MPDZ: variants seen among roughly 807,000 people sequenced by gnomAD.
The protein encoded by MPDZ is multiple PDZ domain protein.
MPDZ carries 234 observed loss-of-function variants against 239.1 expected under a neutral mutation model. That is an observed-to-expected ratio of 0.98 (90% CI 0.88 to 1.09). The LOEUF is 1.09. MPDZ is among the 50% of genes least tolerant of loss of function. The probability of loss-of-function intolerance (pLI) is 0.00; values close to 1 mark genes in which losing one functional copy is unlikely to be tolerated. For missense variants in MPDZ, 3,175 were observed against 2,510.0 expected (o/e 1.26, Z -5.66); for synonymous variants, 1,048 against 881.3 (o/e 1.19, Z -3.35).
chr9:13,228,925 G>C (rs529322298), intron 3 of MPDZ, among the ~76,000 whole-genome samples: 11 of 152,232 alleles, frequency 7.2e-5, no homozygotes, highest in African/African-American at 2.6e-4. Flanking sequence ...GCTGGTACAA[G>C]CTAGCGAAGG....
chr9:13,187,046 T>C (rs1349231568), intron 17 of MPDZ, among the ~76,000 whole-genome samples: 3 of 152,124 alleles, frequency 2.0e-5, no homozygotes, highest in Non-Finnish European at 4.4e-5. Flanking sequence ...AACATATTTA[T>C]TCCACTCTCA....
intron 1 of MPDZ, among the ~76,000 whole-genome samples, chr9:13,259,276 G>A (rs1177139402): frequency 3.9e-5 from 6 of 151,954 alleles, no homozygotes; most frequent in African/African-American, 1.4e-4. Flanking sequence ...AGTCTCCCCA[G>A]TAGCCTGAGA....
intron 38 of MPDZ, chr9:13,119,888 T>C: frequency 3.9e-6 from 2 of 514,242 alleles, no homozygotes; most frequent in Non-Finnish European, 7.0e-6. Flanking sequence ...TTCTTCATCA[T>C]TTATATACAC....
intron 24 of MPDZ, among the ~76,000 whole-genome samples, chr9:13,154,848 T>C (rs1268633602): frequency 1.3e-5 from 2 of 152,102 alleles, no homozygotes; most frequent in African/African-American, 4.8e-5. Flanking sequence ...CAAAAAACTT[T>C]TTAAAAAATG....
chr9:13,131,784 T>G (rs1476375633), intron 32 of MPDZ, among the ~76,000 whole-genome samples: 1 of 152,182 alleles, frequency 6.6e-6, no homozygotes, highest in Non-Finnish European at 1.5e-5. Flanking sequence ...AGTATTTCTT[T>G]CTGATAAACT....
intron 10 of MPDZ, among the ~76,000 whole-genome samples, chr9:13,212,756 C>A (rs927636008): frequency 1.7e-4 from 23 of 134,506 alleles, no homozygotes; most frequent in African/African-American, 6.6e-4. Context: ...GAGGATCTGT[C>A]AAGCCCAGGA....
intron 10 of MPDZ, among the ~76,000 whole-genome samples, chr9:13,215,490 G>T (rs896471947): frequency 6.6e-6 from 1 of 150,560 alleles, no homozygotes; most frequent in African/African-American, 2.4e-5. Context: ...TATTTGGGTT[G>T]CTTCCATGTC....
At chr9:13,152,202 C>G (rs1050562681) in intron 24 of MPDZ, among the ~76,000 whole-genome samples, 1 of 152,106 alleles carries the variant, frequency 6.6e-6, no homozygotes, top group African/African-American at 2.4e-5. Flanking sequence ...CCAAGGCAGA[C>G]CTGGTCACTA....
intron 24 of MPDZ, among the ~76,000 whole-genome samples, chr9:13,152,834 T>C (rs919727923): frequency 6.6e-6 from 1 of 152,102 alleles, no homozygotes; most frequent in Non-Finnish European, 1.5e-5. Flanking sequence ...TAACTGCAAA[T>C]AGCTGTAAGC....
intron 17 of MPDZ, 90 bp downstream of exon 17, chr9:13,188,694 T>C (rs1329365801): frequency 9.3e-7 from 1 of 1,074,532 alleles, no homozygotes; most frequent in East Asian, 2.4e-5. Flanking sequence ...AAGTCACGAT[T>C]CAATCATGAG....
At chr9:13,220,692 T>A (rs1056759669) in intron 7 of MPDZ, among the ~76,000 whole-genome samples, 1 of 151,980 alleles carries the variant, frequency 6.6e-6, no homozygotes, top group African/African-American at 2.4e-5. Flanking sequence ...CAGGGAATAT[T>A]TGATGAGCTG....
At chr9:13,130,014 C>G (rs1056866927) in intron 32 of MPDZ, among the ~76,000 whole-genome samples, 5 of 152,190 alleles carry the variant, frequency 3.3e-5, no homozygotes, top group Admixed American at 2.6e-4. Flanking sequence ...AACTCTTCAT[C>G]ATATTTCAAG....
At chr9:13,147,303 C>T (rs943884107) in intron 26 of MPDZ, among the ~76,000 whole-genome samples, 2 of 151,948 alleles carry the variant, frequency 1.3e-5, no homozygotes, top group Admixed American at 1.3e-4. Context: ...CATCTAGATA[C>T]CTAGAGATAC....
intron 3 of MPDZ, among the ~76,000 whole-genome samples, chr9:13,243,828 T>C (rs1317925415): frequency 6.6e-6 from 1 of 152,146 alleles, no homozygotes; most frequent in Non-Finnish European, 1.5e-5. Context: ...GTAAATGAAC[T>C]AAAAACCTGG....
At chr9:13,222,179 CA>C in intron 6 of MPDZ, 53 bp downstream of exon 6, 1 of 1,483,648 alleles carries the variant, frequency 6.7e-7, no homozygotes, top group Non-Finnish European at 9.1e-7. Context: ...TGGAGATAAC[CA>C]AAAACAACTT....
At chr9:13,278,275 C>T (rs934331305) in intron 1 of MPDZ, among the ~76,000 whole-genome samples, 14 of 152,142 alleles carry the variant, frequency 9.2e-5, no homozygotes, top group South Asian at 4.1e-4. Context: ...AGCCTCCAAC[C>T]GCAGCCCCTA....
At position 13,109,856 on chromosome 9, in the gene MPDZ, C is replaced by A. The variant is rs375428752; in HGVS notation, c.5942+96G>T. 5.8e-5 allele frequency: 54 copies of A among 924,730 alleles called. No homozygotes were observed. In the South Asian group the frequency reaches 6.6e-4, roughly 11 times the overall value. 57.3% of individuals were successfully genotyped at this position (924,730 alleles called of 1,614,324 possible). Reference sequence around the variant, plus strand: ...CATATATCCTATCATTTTACCTGTACGTAATTCCTAGAAACATGGGACAGA... The same window carrying A: ...CATATATCCTATCATTTTACCTGTAAGTAATTCCTAGAAACATGGGACAGA... On this transcript the variant is annotated intron_variant, in intron 45 of 46. Transcript: ENST00000319217.
Position 13,238,920 on chromosome 9 carries a change from T to C in MPDZ, c.183+8715A>G, listed in dbSNP as rs1588041178. ...ATTTTTAAACATGTAATGGGTTTAC[T>C]ACTGTGATTTTTAAATAAATAAATA... On this transcript the variant is annotated intron_variant, in intron 3 of 46. Transcript: ENST00000319217. Among the ~76,000 whole-genome samples, 4 of 152,334 alleles carry C rather than the reference T, an allele frequency of 2.6e-5. No individual in the cohort carries two copies. The South Asian group carries it at 8.3e-4, about 32-fold the overall frequency.
At chr9:13,109,469 G>C (rs984505956) in intron 45 of MPDZ, among the ~76,000 whole-genome samples, 1 of 152,154 alleles carries the variant, frequency 6.6e-6, no homozygotes, top group Non-Finnish European at 1.5e-5. Flanking sequence ...CAATGGAAAA[G>C]CTGCATCAAA....
Sources: gnomAD v4.1 joint callset for allele counts (sites outside exome capture counted in the v4.1 genomes callset) on GRCh38, gnomAD v4.1.1 for gene constraint, MANE v1.5 for transcripts, NCBI Gene and HGNC (gene_info 2026-07-23, HGNC 2026-07-21) for gene names.